The following SP110 variants were observed in gnomAD, a reference collection of about 807,000 sequenced individuals.
The protein encoded by SP110 is SP110 nuclear body protein.
In SP110, 62 loss-of-function variants were observed where a neutral mutation model predicts 92.7. That is an observed-to-expected ratio of 0.67 (90% CI 0.55 to 0.83). The LOEUF is 0.83. Among genes scored for constraint, SP110 ranks in the 40% least tolerant of loss-of-function variants. The pLI is 0.00. For missense variants in SP110, 793 were observed against 863.9 expected (o/e 0.92, Z 1.03); for synonymous variants, 273 against 305.3 (o/e 0.89, Z 1.10).
chr2:230,172,626 G>A (rs576562200), intron 15 of SP110: 10 of 571,950 alleles, frequency 1.7e-5, no homozygotes, highest in Non-Finnish European at 3.1e-5. Context: ...AGGAGTCCCT[G>A]CTGTCCAGGG....
At chr2:230,212,627 A>G in intron 4 of SP110, 134 bp downstream of exon 4, 1 of 1,258,466 alleles carries the variant, frequency 7.9e-7, no homozygotes, top group Non-Finnish European at 1.2e-6. Flanking sequence ...CCTCTTGAAA[A>G]GGGTTGTGTT....
intron 17 of SP110, 189 bp from the exon 18 acceptor site, chr2:230,170,950 C>T (rs2078423414): frequency 7.7e-6 from 5 of 646,592 alleles, no homozygotes; most frequent in Non-Finnish European, 1.4e-5. Context: ...TATGTAATCT[C>T]CACATTTATG....
chr2:230,210,114 G>C, intron 6 of SP110, 106 bp from the exon 7 acceptor site: 1 of 791,076 alleles, frequency 1.3e-6, no homozygotes, highest in Non-Finnish European at 2.3e-6. Flanking sequence ...ATGCAGCCCA[G>C]GGCCGGGAAT....
At chr2:230,218,608 G>A (rs1014698782) in intron 1 of SP110, among the ~76,000 whole-genome samples, 7 of 152,152 alleles carry the variant, frequency 4.6e-5, no homozygotes, top group African/African-American at 1.7e-4. Context: ...AGAACAGGAA[G>A]TCTAGAGCTT....
chr2:230,179,406 G>GA (rs2042024133), intron 12 of SP110, among the ~76,000 whole-genome samples: 3 of 147,130 alleles, frequency 2.0e-5, no homozygotes, highest in Non-Finnish European at 4.5e-5. Context: ...GGAGTGGCCA[G>GA]CTCCACCATT....
Position 230,175,945 on chromosome 2 carries a change from C to CTTTTTTTTTTTTT in SP110, c.1590+1580_1590+1592dup, listed in dbSNP as rs34906767. On this transcript the variant is annotated intron_variant, in intron 14 of 18. Coordinates refer to ENST00000258381, the MANE Select transcript of SP110 (RefSeq NM_080424.4). ...CTTTTGCTTTTCATGCTGCAGCATT[C>CTTTTTTTTTTTTT]TTTTTTTTTTTTTTCTGAGACAGGG... Among the ~76,000 whole-genome samples, 78 of 130,760 alleles carry CTTTTTTTTTTTTT rather than the reference C, an allele frequency of 6.0e-4. 3 individuals are homozygous for CTTTTTTTTTTTTT. Among genetic ancestry groups the CTTTTTTTTTTTTT allele is most frequent in the Middle Eastern group, 4.2e-3 (1 of 240 alleles). The allele number at this position is 130,760 out of a possible 152,430, so 85.8% of individuals were successfully genotyped here.
At chr2:230,185,885 G>T in intron 11 of SP110, 109 bp downstream of exon 11, 2 of 947,588 alleles carry the variant, frequency 2.1e-6, no homozygotes, top group Non-Finnish European at 1.7e-6. Flanking sequence ...TTTTCTGTAC[G>T]TCTCCCTCCT....
At chr2:230,202,355 C>T (rs961121300) in intron 9 of SP110, among the ~76,000 whole-genome samples, 11 of 152,132 alleles carry the variant, frequency 7.2e-5, no homozygotes, top group Admixed American at 2.0e-4. Context: ...GAGCTGCTGC[C>T]CCAGGCCACA....
chr2:230,185,231 C>A (rs2042301550), intron 11 of SP110, among the ~76,000 whole-genome samples: 1 of 152,166 alleles, frequency 6.6e-6, no homozygotes, highest in Non-Finnish European at 1.5e-5. Context: ...AAAGCCTTGG[C>A]CTGAAAGTGG....
At chr2:230,180,672 C>T (rs1427292) in intron 12 of SP110, among the ~76,000 whole-genome samples, 4,236 of 152,184 alleles carry the variant, frequency 0.028, 198 homozygotes, top group African/African-American at 0.097. Context: ...ATCTAGCGCT[C>T]TTTCCACATC....
At chr2:230,216,159 T>C (rs967451839) in intron 2 of SP110, among the ~76,000 whole-genome samples, 3 of 152,220 alleles carry the variant, frequency 2.0e-5, no homozygotes, top group Admixed American at 2.0e-4. Flanking sequence ...ATGATGCCTG[T>C]AGTGAGTTGA....
At chr2:230,208,867 T>C (rs758179800) in intron 7 of SP110, among the ~76,000 whole-genome samples, 1 of 152,076 alleles carries the variant, frequency 6.6e-6, no homozygotes, top group Non-Finnish European at 1.5e-5. Flanking sequence ...GAAAGGCAGG[T>C]TTAAGATAAT....
intron 10 of SP110, 149 bp from the exon 11 acceptor site, chr2:230,186,292 CT>C: frequency 1.3e-6 from 1 of 741,012 alleles, no homozygotes; most frequent in South Asian, 1.8e-5. Flanking sequence ...ATACTTCCTT[CT>C]ATTTCTCTTT....
Position 230,204,085 on chromosome 2 carries a change from C to T in SP110, c.899-1357G>A, listed in dbSNP as rs186926773. Among the ~76,000 whole-genome samples the T allele has an allele frequency of 6.6e-5, 10 of 152,182 alleles. No individual in the cohort carries two copies. The East Asian group carries it at 1.5e-3, about 23-fold the overall frequency. On this transcript the variant is annotated intron_variant, in intron 8 of 18. Coordinates refer to ENST00000258381, the MANE Select transcript of SP110 (RefSeq NM_080424.4). ...ATCATCTGTCACATTTAAAATAAAA[C>T]GATTCTTTTAAAAAACCTGAAAAAT...
intron 18 of SP110, 95 bp downstream of exon 18, chr2:230,170,526 G>T: frequency 7.0e-7 from 1 of 1,436,834 alleles, no homozygotes. Flanking sequence ...CTCTCCCCAG[G>T]CTGAAACTGA....
At chr2:230,206,918 A>C (rs1213254748) in intron 8 of SP110, among the ~76,000 whole-genome samples, 1 of 152,062 alleles carries the variant, frequency 6.6e-6, no homozygotes, top group Non-Finnish European at 1.5e-5. Context: ...ACCCAGGACT[A>C]GCTTCCTAGG....
intron 3 of SP110, 142 bp from the exon 4 acceptor site, chr2:230,213,169 G>T (rs776591526): frequency 6.6e-5 from 53 of 805,398 alleles, no homozygotes; most frequent in Non-Finnish European, 1.1e-4. Flanking sequence ...CTGATTCATT[G>T]TCATCATTAT....
intron 1 of SP110, 70 bp downstream of exon 1, chr2:230,219,804 G>T: frequency 1.9e-6 from 1 of 517,236 alleles, no homozygotes; most frequent in Non-Finnish European, 2.5e-6. Context: ...TGCAGCTGCT[G>T]CCGCGAAGTT....
At chr2:230,200,754 A>G (rs2043097366) in intron 10 of SP110, 131 bp downstream of exon 10, 2 of 747,404 alleles carry the variant, frequency 2.7e-6, no homozygotes, top group Non-Finnish European at 4.7e-6. Flanking sequence ...TAAGAAAAAA[A>G]AATCCAGAAG....
Sources: allele counts gnomAD v4.1 joint callset (sites outside exome capture counted in the v4.1 genomes callset), GRCh38; gene constraint gnomAD v4.1.1; transcripts MANE v1.5; gene names NCBI Gene and HGNC (gene_info 2026-07-23, HGNC 2026-07-21).